VPS53: variants seen among roughly 807,000 people sequenced by gnomAD.
The protein encoded by VPS53 is VPS53 subunit of GARP complex, also known as vacuolar protein sorting-associated protein 53 homolog.
Under a neutral mutation model 107.0 loss-of-function variants are expected in VPS53, and 70 were observed. The observed-to-expected ratio is 0.65, with a 90% CI of 0.54 to 0.80. The LOEUF (loss-of-function observed/expected upper bound fraction) is 0.80, where lower values mean the gene tolerates loss of function less well. Among genes scored for constraint, VPS53 ranks in the 30% least tolerant of loss-of-function variants. VPS53 has a pLI of 0.00. For synonymous variants in VPS53, 409 were observed against 393.3 expected, an observed-to-expected ratio of 1.04 and a Z score of -0.47; for missense variants, 917 against 1,049.4, an observed-to-expected ratio of 0.87 and a Z score of 1.74.
At chr17:574,085 A>G (rs1346783001) in intron 13 of VPS53, among the ~76,000 whole-genome samples, 1 of 152,140 alleles carries the variant, frequency 6.6e-6, no homozygotes, top group Non-Finnish European at 1.5e-5. Context: ...GTTGGGCATT[A>G]TTTTGTCTGA....
At chr17:688,779 G>T (rs1278948463) in intron 4 of VPS53, among the ~76,000 whole-genome samples, 1 of 152,150 alleles carries the variant, frequency 6.6e-6, no homozygotes, top group African/African-American at 2.4e-5. Flanking sequence ...CTGTGAGCCC[G>T]AATCAAAACT....
At chr17:563,416 C>T (rs945398904) in intron 13 of VPS53, among the ~76,000 whole-genome samples, 2 of 151,690 alleles carry the variant, frequency 1.3e-5, no homozygotes, top group Non-Finnish European at 2.9e-5. Flanking sequence ...CTGCGTCAGC[C>T]TCCCATGTAG....
intron 17 of VPS53, among the ~76,000 whole-genome samples, chr17:539,988 C>G (rs973302149): frequency 6.6e-6 from 1 of 151,956 alleles, no homozygotes; most frequent in Non-Finnish European, 1.5e-5. Flanking sequence ...AGCCCAAACC[C>G]GGTCTATCTA....
Position 697,502 on chromosome 17 carries a change from G to A in VPS53, c.219-18C>T, listed in dbSNP as rs748554096. 9 of 1,593,694 alleles carry A rather than the reference G, an allele frequency of 5.6e-6. No individual in the cohort carries two copies. Among genetic ancestry groups the A allele is most frequent in the South Asian group, 1.1e-5 (1 of 90,364 alleles). On this transcript the variant is annotated intron_variant, in intron 3 of 21. Coordinates refer to ENST00000437048, the MANE Select transcript of VPS53 (RefSeq NM_001128159.3). Reference sequence around the variant, plus strand: ...CCAGTCTCCTAGCAAAACAGTTCAAGGATACAGTCATTCAAATAATCTTTA... The same window carrying A: ...CCAGTCTCCTAGCAAAACAGTTCAAAGATACAGTCATTCAAATAATCTTTA...
intron 13 of VPS53, among the ~76,000 whole-genome samples, chr17:571,935 C>T (rs1313266431): frequency 6.6e-6 from 1 of 152,194 alleles, no homozygotes; most frequent in Non-Finnish European, 1.5e-5. Flanking sequence ...TCCCAAAGTG[C>T]CCAGAGTGCA....
intron 15 of VPS53, among the ~76,000 whole-genome samples, chr17:554,658 G>C (rs913707716): frequency 6.6e-6 from 1 of 152,124 alleles, no homozygotes; most frequent in African/African-American, 2.4e-5. Flanking sequence ...CCACCTCCGT[G>C]TCCCAAAGCA....
intron 11 of VPS53, among the ~76,000 whole-genome samples, chr17:604,001 T>C (rs1244968029): frequency 6.6e-6 from 1 of 152,204 alleles, no homozygotes; most frequent in East Asian, 1.9e-4. Flanking sequence ...TTTGTAGATA[T>C]GAAAAGCAAG....
chr17:554,269 C>T (rs1409256913), intron 15 of VPS53, among the ~76,000 whole-genome samples: 1 of 152,180 alleles, frequency 6.6e-6, no homozygotes, highest in Non-Finnish European at 1.5e-5. Flanking sequence ...CAGCCGGGGA[C>T]AGAAACACTC....
chr17:570,960 T>TA (rs2075669774), intron 13 of VPS53, among the ~76,000 whole-genome samples: 1 of 152,112 alleles, frequency 6.6e-6, no homozygotes, highest in African/African-American at 2.4e-5. Context: ...TTCTAAGAAA[T>TA]ATATATTGAA....
At chr17:539,126 T>C (rs1910370201) in intron 17 of VPS53, 1 of 152,238 alleles carries the variant, frequency 6.6e-6, no homozygotes, top group Non-Finnish European at 1.5e-5. Context: ...TGACTGTTAC[T>C]TTCCAAGCTG....
intron 12 of VPS53, among the ~76,000 whole-genome samples, chr17:593,444 A>C (rs1967781429): frequency 6.6e-6 from 1 of 152,134 alleles, no homozygotes; most frequent in South Asian, 2.1e-4. Flanking sequence ...TCTACAATGA[A>C]CTCAAACAAA....
intron 13 of VPS53, among the ~76,000 whole-genome samples, chr17:584,326 G>A (rs1967205214): frequency 6.6e-6 from 1 of 152,196 alleles, no homozygotes; most frequent in African/African-American, 2.4e-5. Context: ...GGATGAGGAG[G>A]AGTCTTCCTC....
intron 12 of VPS53, among the ~76,000 whole-genome samples, chr17:592,987 C>A: frequency 6.6e-6 from 1 of 152,090 alleles, no homozygotes. Context: ...CAGAACAGAG[C>A]CCTCAGAAAT....
chr17:691,771 A>T (rs1972783860), intron 4 of VPS53, among the ~76,000 whole-genome samples: 1 of 152,210 alleles, frequency 6.6e-6, no homozygotes, highest in South Asian at 2.1e-4. Flanking sequence ...GCTATTACAT[A>T]CAGCTCCAAA....
intron 12 of VPS53, among the ~76,000 whole-genome samples, chr17:598,599 G>A (rs1285812309): frequency 2.1e-5 from 3 of 143,368 alleles, no homozygotes; most frequent in African/African-American, 7.7e-5. Flanking sequence ...TGTGGGGAGC[G>A]CCTCTGCCCT....
At chr17:534,167 G>C (rs900168280) in intron 18 of VPS53, among the ~76,000 whole-genome samples, 11 of 152,264 alleles carry the variant, frequency 7.2e-5, no homozygotes, top group Admixed American at 3.9e-4. Context: ...TGTCAGCTTG[G>C]TATCAGCACT....
intron 11 of VPS53, among the ~76,000 whole-genome samples, chr17:620,738 G>A (rs1321532298): frequency 1.3e-5 from 2 of 149,080 alleles, no homozygotes; most frequent in Admixed American, 6.7e-5. Flanking sequence ...GTGCAGTGGC[G>A]CAACCTTGGC....
chr17:547,549 C>G (rs1911324938), intron 17 of VPS53, among the ~76,000 whole-genome samples: 1 of 152,052 alleles, frequency 6.6e-6, no homozygotes, highest in Admixed American at 6.6e-5. Context: ...TACGGGGTTT[C>G]TTTTTGGGGT....
chr17:679,609 A>T (rs1972311307), intron 4 of VPS53, among the ~76,000 whole-genome samples: 1 of 152,232 alleles, frequency 6.6e-6, no homozygotes, highest in Non-Finnish European at 1.5e-5. Flanking sequence ...AATTATTTTC[A>T]AGAACAAGGA....
Sources: allele counts gnomAD v4.1 joint callset (sites outside exome capture counted in the v4.1 genomes callset), GRCh38; gene constraint gnomAD v4.1.1; transcripts MANE v1.5; gene names NCBI Gene and HGNC (gene_info 2026-07-23, HGNC 2026-07-21).